Variants in ADAP1 observed in about 807,000 individuals in gnomAD.
ADAP1 encodes ArfGAP with dual PH domains 1.
ADAP1 carries 31 observed loss-of-function variants against 54.9 expected under a neutral mutation model. That is an observed-to-expected ratio of 0.56 (90% CI 0.42 to 0.76). The LOEUF (loss-of-function observed/expected upper bound fraction) is 0.76, where lower values mean the gene tolerates loss of function less well. ADAP1 is among the 30% of genes least tolerant of loss of function. The probability of loss-of-function intolerance (pLI) is 0.00; values close to 1 mark genes in which losing one functional copy is unlikely to be tolerated. For synonymous variants in ADAP1, 313 were observed against 202.6 expected (o/e 1.55, Z -4.63); for missense variants, 535 against 512.4 (o/e 1.04, Z -0.42).
intron 4 of ADAP1, among the ~76,000 whole-genome samples, chr7:914,015 G>C (rs28491630): frequency 0.44 from 67,497 of 152,120 alleles, 15,866 homozygotes; most frequent in East Asian, 0.63. Flanking sequence ...GTGGGGCTCC[G>C]CCTTCCTCAG....
At chr7:916,501 G>A (rs1236579009) in intron 4 of ADAP1, among the ~76,000 whole-genome samples, 2 of 152,184 alleles carry the variant, frequency 1.3e-5, no homozygotes. Context: ...GTGCCACCTT[G>A]CTACAAATTG....
In ADAP1 at chr7:905,418, AGAGAAAG is replaced by A. The variant is rs377307695; in HGVS notation, c.389-253_389-247del. Reference sequence around the variant, plus strand: ...GAAAGGAGAAAGGAGAAAGGGAGAAAGAGAAAGGAGAAAGGAGAAAGGGAGAAAGGGA... The same window carrying A: ...GAAAGGAGAAAGGAGAAAGGGAGAAAGAGAAAGGAGAAAGGGAGAAAGGGA... On this transcript the variant is annotated intron_variant, in intron 4 of 10. Transcript: ENST00000265846. 134 of 78,312 alleles carry A rather than the reference AGAGAAAG, an allele frequency of 1.7e-3. 10 individuals carry two copies. The highest frequency in any genetic ancestry group is 3.5e-3 in the East Asian group (9 of 2,548). 4.9% of individuals were successfully genotyped at this position (78,312 alleles called of 1,614,324 possible).
At chr7:922,369 G>T (rs562131196) in intron 3 of ADAP1, among the ~76,000 whole-genome samples, 5 of 152,304 alleles carry the variant, frequency 3.3e-5, no homozygotes, top group African/African-American at 1.2e-4. Context: ...CAAAATGTGA[G>T]CTGGGGGCAG....
At chr7:900,251 AC>A in intron 7 of ADAP1, 87 bp from the exon 8 acceptor site, 2 of 1,507,668 alleles carry the variant, frequency 1.3e-6, no homozygotes, top group Non-Finnish European at 1.8e-6. Context: ...TGCTCCCCTC[AC>A]CCCGGGCCAC....
intron 6 of ADAP1, among the ~76,000 whole-genome samples, chr7:903,736 T>C (rs1320708179): frequency 6.6e-6 from 1 of 151,636 alleles, no homozygotes. Flanking sequence ...CGTCCACATC[T>C]CCTCCCCGTA....
At chr7:906,781 ACACGGGG>A (rs1490805484) in intron 4 of ADAP1, among the ~76,000 whole-genome samples, 1,805 of 8,536 alleles carry the variant, frequency 0.21, 253 homozygotes, top group African/African-American at 0.38. Context: ...GGGACAGGGG[ACACGGGG>A]GACGGGACAG....
intron 3 of ADAP1, among the ~76,000 whole-genome samples, chr7:925,300 CGCTTGA>C (rs1414733246): frequency 6.7e-6 from 1 of 148,156 alleles, no homozygotes; most frequent in Non-Finnish European, 1.5e-5. Context: ...GCAGGAGGAT[CGCTTGA>C]GCCCAGGAAT....
At chr7:907,542 G>A (rs959380614) in intron 4 of ADAP1, among the ~76,000 whole-genome samples, 1 of 152,222 alleles carries the variant, frequency 6.6e-6, no homozygotes, top group East Asian at 1.9e-4. Flanking sequence ...AGTGACCCAC[G>A]TGTGGCCACT....
At chr7:951,872 A>G (rs964363863) in intron 1 of ADAP1, among the ~76,000 whole-genome samples, 2 of 151,968 alleles carry the variant, frequency 1.3e-5, no homozygotes, top group African/African-American at 2.4e-5. Flanking sequence ...TGTGATCACG[A>G]CTCACTGCAG....
Position 935,353 on chromosome 7 carries a change from C to T in ADAP1, c.213+22G>A, listed in dbSNP as rs531887972. On this transcript the variant is annotated intron_variant, in intron 2 of 10. Transcript: ENST00000265846. ...GGCCACCCGGGGACTGCGCGGGTCC[C>T]CCCGCCCCTCCCCCTCCGTACCTCC... The T allele has an allele frequency of 9.0e-6, 14 of 1,550,096 alleles. No homozygotes were observed. In the African/African-American group the frequency reaches 1.9e-4, roughly 21 times the overall value.
intron 1 of ADAP1, among the ~76,000 whole-genome samples, chr7:937,049 C>T (rs1257060742): frequency 1.3e-5 from 2 of 152,022 alleles, no homozygotes; most frequent in Non-Finnish European, 2.9e-5. Flanking sequence ...CAGGCTGAAC[C>T]TCGGATTTGG....
chr7:919,893 G>A lies in ADAP1; in HGVS notation c.388+75C>T, dbSNP rs1182389134. 1.8e-5 allele frequency: 17 copies of A among 930,898 alleles called. No individual in the cohort carries two copies. The East Asian group carries it at 4.4e-4, about 24-fold the overall frequency. 57.7% of individuals were successfully genotyped at this position (930,898 alleles called of 1,614,324 possible). Reference sequence around the variant, plus strand: ...GAGGGAAAGAGATGGGGGAGGGAGGGAAAGAGATGGGGGAGGGAGGGAGAG... The same window carrying A: ...GAGGGAAAGAGATGGGGGAGGGAGGAAAAGAGATGGGGGAGGGAGGGAGAG... On this transcript the variant is annotated intron_variant, in intron 4 of 10. Transcript: ENST00000265846.
intron 4 of ADAP1, 135 bp from the exon 5 acceptor site, chr7:905,307 A>ATGGG (rs1291364892): frequency 4.4e-6 from 2 of 459,162 alleles, no homozygotes; most frequent in African/African-American, 2.9e-5. Context: ...ACAGGGGGAG[A>ATGGG]CGGACGGGGA....
intron 4 of ADAP1, among the ~76,000 whole-genome samples, chr7:916,634 CCT>C (rs1183548316): frequency 5.9e-5 from 9 of 152,144 alleles, no homozygotes; most frequent in African/African-American, 1.9e-4. Context: ...GTGTTCATCC[CCT>C]GACCGTTTCT....
rs1847142776 is a variant in ADAP1, at chr7:946,483, G to T, written c.82+7913C>A. Among the ~76,000 whole-genome samples the T allele has an allele frequency of 6.6e-6, 1 of 152,190 alleles. No individual in the cohort carries two copies. Among genetic ancestry groups the T allele is most frequent in the Non-Finnish European group, 1.5e-5 (1 of 68,034 alleles). On this transcript the variant is annotated intron_variant, in intron 1 of 10. Coordinates refer to ENST00000265846, the MANE Select transcript of ADAP1 (RefSeq NM_006869.4). This position sits in a 1 kb window ranked among gnomAD's most constrained non-coding sequence, Gnocchi z 4.3. ...GTTCAGGGACACGTGCCCCTCTCCT[G>T]GATCCCTCCCAGCAGCACCCGGACA...
chr7:917,292 G>T (rs1410502987), intron 4 of ADAP1, among the ~76,000 whole-genome samples: 1 of 71,022 alleles, frequency 1.4e-5, no homozygotes, highest in Non-Finnish European at 2.9e-5. Flanking sequence ...CTACCGGGGA[G>T]GTGCACGGGA....
rs778851565 is a variant in ADAP1 at position 899,298 on chromosome 7, CCCTT to C, written c.868-41_868-38del. ...GACCGCACTGGAGGCGGGGCCATGT[CCCTT>C]CCAGCCCCGCTTCACTCAGGCCAGG... On this transcript the variant is annotated intron_variant, in intron 9 of 10. Transcript: ENST00000265846. 66 of 1,608,888 alleles carry C rather than the reference CCCTT, an allele frequency of 4.1e-5. No homozygotes were observed. In the African/African-American group the frequency reaches 7.6e-4, roughly 19 times the overall value.
intron 4 of ADAP1, 142 bp from the exon 5 acceptor site, chr7:905,314 G>T (rs1258490021): frequency 3.0e-5 from 13 of 433,548 alleles, no homozygotes; most frequent in Admixed American, 6.7e-5. Context: ...GAGACGGACG[G>T]GGAGAGGGGA....
At chr7:924,725 G>A (rs1036674369) in intron 3 of ADAP1, among the ~76,000 whole-genome samples, 6 of 150,832 alleles carry the variant, frequency 4.0e-5, no homozygotes, top group South Asian at 2.1e-4. Flanking sequence ...CTGAGTCCAC[G>A]AGCACCCCCA....
Sources: allele counts gnomAD v4.1 joint callset (sites outside exome capture counted in the v4.1 genomes callset), GRCh38; gene constraint gnomAD v4.1.1; non-coding constraint Gnocchi (gnomAD v3.1); transcripts MANE v1.5; gene names NCBI Gene and HGNC (gene_info 2026-07-23, HGNC 2026-07-21).